Variants in GNB4 observed in about 807,000 individuals in gnomAD.
The protein encoded by GNB4 is guanine nucleotide-binding protein subunit beta-4.
A neutral mutation model predicts 45.2 loss-of-function variants in GNB4; 28 were observed. The ratio of observed to expected loss-of-function variants is 0.62; its 90% CI spans 0.46 to 0.85. The LOEUF is 0.85. Among genes scored for constraint, GNB4 ranks in the 40% least tolerant of loss-of-function variants. GNB4 has a pLI of 0.00. For missense variants in GNB4, 321 were observed against 425.4 expected (o/e 0.75, Z 2.16); for synonymous variants, 132 against 143.7 (o/e 0.92, Z 0.58).
At chr3:179,501,843 A>C in the GNB4 span, among the ~76,000 whole-genome samples, 1 of 152,200 alleles carries the variant, frequency 6.6e-6, no homozygotes, top group Non-Finnish European at 1.5e-5. Context: ...GAAGTTTAGC[A>C]TCTGACCTCT....
At chr3:179,511,844 A>G in the GNB4 span, among the ~76,000 whole-genome samples, 1 of 152,170 alleles carries the variant, frequency 6.6e-6, no homozygotes, top group Non-Finnish European at 1.5e-5. Flanking sequence ...ATTGGTATAC[A>G]GTAGTGCTGT....
upstream of GNB4, among the ~76,000 whole-genome samples, chr3:179,456,187 T>A (rs1048371270): frequency 6.6e-6 from 1 of 151,388 alleles, no homozygotes; most frequent in Non-Finnish European, 1.5e-5. Flanking sequence ...TCTCAGCTCA[T>A]TGCAACCTCA....
chr3:179,498,984 T>C, the GNB4 span, among the ~76,000 whole-genome samples: 1 of 151,908 alleles, frequency 6.6e-6, no homozygotes, highest in African/African-American at 2.4e-5. Context: ...TTCTCATTGT[T>C]CAACTCCCGC....
chr3:179,502,055 T>A, the GNB4 span, among the ~76,000 whole-genome samples: 1 of 152,162 alleles, frequency 6.6e-6, no homozygotes, highest in Non-Finnish European at 1.5e-5. Flanking sequence ...TCAGTGGGAA[T>A]GATCTTAAGC....
At chr3:179,423,110 G>C (rs1222070895) in intron 2 of GNB4, among the ~76,000 whole-genome samples, 2 of 152,028 alleles carry the variant, frequency 1.3e-5, no homozygotes, top group Non-Finnish European at 2.9e-5. Flanking sequence ...TTTAAATATA[G>C]TGTGACAATT....
At chr3:179,479,807 A>G in the GNB4 span, among the ~76,000 whole-genome samples, 8 of 152,250 alleles carry the variant, frequency 5.3e-5, no homozygotes, top group African/African-American at 1.7e-4. Context: ...AAATGTTCTT[A>G]AGTGCTCCAG....
chr3:179,523,342 T>C, the GNB4 span, among the ~76,000 whole-genome samples: 223 of 152,072 alleles, frequency 1.5e-3, 1 homozygote, highest in African/African-American at 5.1e-3. Flanking sequence ...AGGGTCAGTC[T>C]AAGTGAAAGC....
At chr3:179,522,776 A>T in the GNB4 span, among the ~76,000 whole-genome samples, 1 of 152,172 alleles carries the variant, frequency 6.6e-6, no homozygotes, top group African/African-American at 2.4e-5. Context: ...AGATACAGTC[A>T]TGGGGGTCAG....
At chr3:179,527,788 GTA>G in the GNB4 span, among the ~76,000 whole-genome samples, 1,670 of 111,008 alleles carry the variant, frequency 0.015, 52 homozygotes, top group East Asian at 0.085. Flanking sequence ...GTGTGTGTAT[GTA>G]TGTGTGTGTG....
intron 1 of GNB4, among the ~76,000 whole-genome samples, chr3:179,442,490 T>C (rs1462024616): frequency 6.6e-6 from 1 of 152,222 alleles, no homozygotes; most frequent in Non-Finnish European, 1.5e-5. Flanking sequence ...ACATAAATTA[T>C]GATTATGTAA....
chr3:179,406,069 A>G (rs17293193), intron 8 of GNB4: 17,676 of 152,178 alleles, frequency 0.12, 1,371 homozygotes, highest in Non-Finnish European at 0.17. Context: ...TCAATGTTAT[A>G]GCATCACTAC....
At chr3:179,524,682 G>T in the GNB4 span, among the ~76,000 whole-genome samples, 1 of 152,114 alleles carries the variant, frequency 6.6e-6, no homozygotes, top group African/African-American at 2.4e-5. Context: ...AGGGCCTAGG[G>T]CTGTAAAGTG....
chr3:179,404,335 T>C (rs561118875), intron 9 of GNB4, among the ~76,000 whole-genome samples: 2 of 152,182 alleles, frequency 1.3e-5, no homozygotes, highest in Non-Finnish European at 2.9e-5. Context: ...TTCTCATCCA[T>C]GATAATAGGT....
chr3:179,451,991 G>C (rs1053301681), upstream of GNB4, among the ~76,000 whole-genome samples: 1 of 152,110 alleles, frequency 6.6e-6, no homozygotes, highest in East Asian at 1.9e-4. Context: ...GTACCGTCTC[G>C]GGCCTAAGTT....
intron 1 of GNB4, among the ~76,000 whole-genome samples, chr3:179,449,500 A>G (rs556152189): frequency 2.0e-5 from 3 of 152,322 alleles, no homozygotes; most frequent in Non-Finnish European, 2.9e-5. Flanking sequence ...CTAAGTTAAT[A>G]TGGCTCAGGG....
At chr3:179,499,700 T>C in the GNB4 span, among the ~76,000 whole-genome samples, 2 of 152,230 alleles carry the variant, frequency 1.3e-5, no homozygotes, top group African/African-American at 4.8e-5. Flanking sequence ...TAATTTACAC[T>C]CCCACCAACA....
At chr3:179,481,811 A>T in the GNB4 span, among the ~76,000 whole-genome samples, 2 of 152,210 alleles carry the variant, frequency 1.3e-5, no homozygotes, top group African/African-American at 4.8e-5. Flanking sequence ...TCACTCTGAG[A>T]GTGCATAGTT....
chr3:179,518,059 T>C, the GNB4 span, among the ~76,000 whole-genome samples: 4 of 152,058 alleles, frequency 2.6e-5, no homozygotes, highest in Non-Finnish European at 5.9e-5. Flanking sequence ...TACTCTCTCT[T>C]TTCTCTGGAC....
At chr3:179,437,257 A>G (rs1053421940) in intron 1 of GNB4, among the ~76,000 whole-genome samples, 4 of 152,186 alleles carry the variant, frequency 2.6e-5, no homozygotes, top group African/African-American at 9.7e-5. Context: ...TTCTGAAGCA[A>G]AATGTAAAGC....
Sources: allele counts gnomAD v4.1 joint callset (sites outside exome capture counted in the v4.1 genomes callset), GRCh38; gene constraint gnomAD v4.1.1; transcripts MANE v1.5; gene names NCBI Gene and HGNC (gene_info 2026-07-23, HGNC 2026-07-21).